Variants in SNTG1 observed in about 807,000 individuals in gnomAD.
SNTG1 encodes syntrophin gamma 1, also known as gamma-1-syntrophin.
In SNTG1, 39 loss-of-function variants were observed where a neutral mutation model predicts 74.7. The observed-to-expected ratio is 0.52, with a 90% CI of 0.40 to 0.68. The LOEUF (loss-of-function observed/expected upper bound fraction) is 0.68, where lower values mean the gene tolerates loss of function less well. Ranked by LOEUF, SNTG1 falls within the 30% of genes least tolerant of loss-of-function variation. The pLI is 0.00. For synonymous variants in SNTG1, 254 were observed against 217.1 expected (o/e 1.17, Z -1.49); for missense variants, 685 against 609.5 (o/e 1.12, Z -1.30).
chr8:50,303,976 G>C (rs1286895188), intron 2 of SNTG1, among the ~76,000 whole-genome samples: 1 of 152,144 alleles, frequency 6.6e-6, no homozygotes, highest in Non-Finnish European at 1.5e-5. Context: ...TGCCAAAACA[G>C]ATATGTTTGC....
intron 8 of SNTG1, among the ~76,000 whole-genome samples, chr8:50,452,374 A>G (rs1184078213): frequency 6.6e-6 from 1 of 152,234 alleles, no homozygotes; most frequent in Non-Finnish European, 1.5e-5. Context: ...TCCTATGTAA[A>G]TTTTAAATAT....
chr8:50,774,549 A>T (rs992808671), intron 18 of SNTG1, among the ~76,000 whole-genome samples: 3 of 149,390 alleles, frequency 2.0e-5, no homozygotes, highest in African/African-American at 2.5e-5. Flanking sequence ...TATTACATAT[A>T]AAAAAAAGAA....
intron 1 of SNTG1, among the ~76,000 whole-genome samples, chr8:49,930,659 AC>A: frequency 6.6e-6 from 1 of 152,174 alleles, no homozygotes; most frequent in East Asian, 1.9e-4. Context: ...CACCAGTAAA[AC>A]CACTTCCTTT....
intron 8 of SNTG1, among the ~76,000 whole-genome samples, chr8:50,476,847 G>GACAC: frequency 2.4e-5 from 1 of 40,908 alleles, no homozygotes; most frequent in East Asian, 8.9e-4. Flanking sequence ...ATGAGCCTGT[G>GACAC]ACACACACAG....
chr8:50,783,090 G>T (rs541246853), intron 18 of SNTG1, among the ~76,000 whole-genome samples: 1 of 152,134 alleles, frequency 6.6e-6, no homozygotes, highest in African/African-American at 2.4e-5. Context: ...GTACCCGGCC[G>T]TGTGAGGTGT....
intron 18 of SNTG1, among the ~76,000 whole-genome samples, chr8:50,772,738 C>G (rs1250432625): frequency 6.6e-6 from 1 of 151,980 alleles, no homozygotes; most frequent in African/African-American, 2.4e-5. Flanking sequence ...GAATGTGAGG[C>G]CTAGAGGGAA....
chr8:49,932,857 T>A (rs756589689), intron 1 of SNTG1, among the ~76,000 whole-genome samples: 14 of 152,216 alleles, frequency 9.2e-5, no homozygotes, highest in Non-Finnish European at 1.8e-4. Context: ...TTAATATAAA[T>A]GAAGTCATAA....
chr8:50,564,240 G>T (rs1257640826), intron 12 of SNTG1, among the ~76,000 whole-genome samples: 2 of 151,832 alleles, frequency 1.3e-5, no homozygotes, highest in East Asian at 3.9e-4. Context: ...AATAAGTAGA[G>T]TGATAATATA....
chr8:50,496,875 T>C (rs1008056294), intron 8 of SNTG1, among the ~76,000 whole-genome samples: 4 of 152,064 alleles, frequency 2.6e-5, no homozygotes, highest in African/African-American at 4.8e-5. Flanking sequence ...ATTTCTTATT[T>C]GGCAGGAATA....
intron 2 of SNTG1, among the ~76,000 whole-genome samples, chr8:50,226,663 GC>G (rs571827033): frequency 4.0e-5 from 6 of 151,734 alleles, no homozygotes; most frequent in Non-Finnish European, 7.4e-5. Flanking sequence ...TAATCTGGAA[GC>G]CCCCCCACCC....
chr8:50,635,592 G>C (rs542213250), intron 13 of SNTG1, among the ~76,000 whole-genome samples: 19 of 152,248 alleles, frequency 1.2e-4, no homozygotes, highest in African/African-American at 4.6e-4. Context: ...CACAGGGAGT[G>C]CTTCCAGGCA....
intron 18 of SNTG1, among the ~76,000 whole-genome samples, chr8:50,756,444 TTCTG>T (rs1413760031): frequency 6.6e-6 from 1 of 151,924 alleles, no homozygotes; most frequent in African/African-American, 2.4e-5. Flanking sequence ...GGTGTAATAT[TTCTG>T]TCTAAGTTCT....
chr8:50,250,113 A>G (rs1288271530), intron 2 of SNTG1, among the ~76,000 whole-genome samples: 1 of 152,014 alleles, frequency 6.6e-6, no homozygotes, highest in African/African-American at 2.4e-5. Flanking sequence ...AAAATGTAAT[A>G]AAGAGATAGA....
chr8:50,780,919 C>T (rs961763649), intron 18 of SNTG1, among the ~76,000 whole-genome samples: 1 of 151,992 alleles, frequency 6.6e-6, no homozygotes, highest in South Asian at 2.1e-4. Context: ...GTTCTCGTTG[C>T]TTTCAAAGAA....
rs138487412 is a variant in SNTG1, at chr8:50,600,535, G to A, written c.849+9618G>A. On this transcript the variant is annotated intron_variant, in intron 13 of 18. Coordinates refer to ENST00000642720, the MANE Select transcript of SNTG1 (RefSeq NM_018967.5). The stretch of plus-strand genomic sequence containing the variant: ...ATCTTGGTAAGTTGTATATGTCTAC[G>A]AATTTACCTATTTCCTTTGGATTTT... 5.9e-5 allele frequency among the ~76,000 whole-genome samples: 9 copies of A among 151,946 alleles called. No individual in the cohort carries two copies. The East Asian group carries it at 1.6e-3, about 26-fold the overall frequency.
intron 4 of SNTG1, among the ~76,000 whole-genome samples, chr8:50,407,794 C>A (rs758778943): frequency 2.6e-5 from 4 of 152,142 alleles, no homozygotes; most frequent in Non-Finnish European, 5.9e-5. Context: ...TGAAGACTAG[C>A]GTTTTAAGGA....
chr8:50,723,950 A>C (rs1168857622), intron 17 of SNTG1, among the ~76,000 whole-genome samples: 1 of 152,162 alleles, frequency 6.6e-6, no homozygotes, highest in Non-Finnish European at 1.5e-5. Flanking sequence ...AAAGAGAGGA[A>C]ATGAGAAGTG....
At chr8:50,698,316 T>C (rs1261560678) in intron 15 of SNTG1, among the ~76,000 whole-genome samples, 2 of 152,140 alleles carry the variant, frequency 1.3e-5, no homozygotes, top group African/African-American at 4.8e-5. Flanking sequence ...CCCCCATTTT[T>C]GGTGGGGCTC....
At chr8:50,269,046 G>A (rs1380617822) in intron 2 of SNTG1, among the ~76,000 whole-genome samples, 1 of 152,044 alleles carries the variant, frequency 6.6e-6, no homozygotes, top group Non-Finnish European at 1.5e-5. Context: ...TAGATTTAGT[G>A]GGCCAAGTAA....
Sources: gnomAD v4.1 joint callset for allele counts (sites outside exome capture counted in the v4.1 genomes callset) on GRCh38, gnomAD v4.1.1 for gene constraint, MANE v1.5 for transcripts, NCBI Gene and HGNC (gene_info 2026-07-23, HGNC 2026-07-21) for gene names.